EYA4: variants seen among roughly 807,000 people sequenced by gnomAD.
The protein encoded by EYA4 is protein phosphatase EYA4.
EYA4 carries 31 observed loss-of-function variants against 87.9 expected under a neutral mutation model. The observed-to-expected ratio is 0.35, with a 90% CI of 0.27 to 0.48. The LOEUF is 0.48. Among genes scored for constraint, EYA4 ranks in the 20% least tolerant of loss-of-function variants. EYA4 has a pLI of 0.99. For missense variants in EYA4, 678 were observed against 761.4 expected, an observed-to-expected ratio of 0.89 and a Z score of 1.29; for synonymous variants, 263 against 270.6, an observed-to-expected ratio of 0.97 and a Z score of 0.28.
chr6:133,292,532 G>A (rs988452102), intron 2 of EYA4, among the ~76,000 whole-genome samples: 1 of 152,074 alleles, frequency 6.6e-6, no homozygotes, highest in African/African-American at 2.4e-5. Context: ...GTTGATGTTG[G>A]GATTTTAAAC....
At chr6:133,506,343 A>T (rs1307068883) in intron 14 of EYA4, 148 bp downstream of exon 14, 4 of 583,098 alleles carry the variant, frequency 6.9e-6, no homozygotes, top group South Asian at 2.0e-5. Flanking sequence ...AAAATTGTAT[A>T]TACAAATATA....
intron 2 of EYA4, among the ~76,000 whole-genome samples, chr6:133,312,678 T>C (rs1378992695): frequency 6.6e-6 from 1 of 152,212 alleles, no homozygotes; most frequent in Non-Finnish European, 1.5e-5. Flanking sequence ...TTGATATTCT[T>C]CCTCACCATA....
At chr6:133,429,337 A>G (rs148869888) in intron 3 of EYA4, among the ~76,000 whole-genome samples, 1 of 152,086 alleles carries the variant, frequency 6.6e-6, no homozygotes, top group Non-Finnish European at 1.5e-5. Context: ...ATAGCAGACA[A>G]CAAGGAGCAC....
At chr6:133,345,412 T>C (rs1783117945) in intron 2 of EYA4, among the ~76,000 whole-genome samples, 1 of 152,130 alleles carries the variant, frequency 6.6e-6, no homozygotes, top group Admixed American at 6.6e-5. Flanking sequence ...TATCTTTGCA[T>C]AGACATATGT....
rs6929656 is a variant in EYA4, at chr6:133,506,010, T to C, written c.1192-96T>C. 0.93 allele frequency: 742,973 copies of C among 800,300 alleles called. 345,435 individuals carry two copies. The highest frequency in any genetic ancestry group is 1 in the East Asian group (39,608 of 39,614). The allele number at this position is 800,300 out of a possible 1,614,324, so 49.6% of individuals were successfully genotyped here. The stretch of plus-strand genomic sequence containing the variant: ...TCTTCAGTAAAAACCCATGCAGTCT[T>C]CTCCCTCTTCCACCACAGCAATATG... On this transcript the variant is annotated intron_variant, in intron 13 of 19. Transcript: ENST00000355286.
chr6:133,431,958 T>G (rs1238917994), intron 3 of EYA4, among the ~76,000 whole-genome samples: 1 of 152,052 alleles, frequency 6.6e-6, no homozygotes, highest in Non-Finnish European at 1.5e-5. Flanking sequence ...GATTTTTTTT[T>G]TTTTTTGCCA....
At chr6:133,491,183 T>C (rs1797120080) in intron 13 of EYA4, among the ~76,000 whole-genome samples, 1 of 151,896 alleles carries the variant, frequency 6.6e-6, no homozygotes, top group Non-Finnish European at 1.5e-5. Flanking sequence ...CACAAAATAC[T>C]AAACCCTATG....
chr6:133,364,760 A>G lies in EYA4; in HGVS notation c.34-17632A>G, dbSNP rs72997713. On this transcript the variant is annotated intron_variant, in intron 2 of 19. Coordinates refer to ENST00000355286, the MANE Select transcript of EYA4 (RefSeq NM_004100.5). ...AGTCAAAGTATTTGATAGTCTTTCC[A>G]TGCTCCCTACAGTACATAGGCACTT... Among the ~76,000 whole-genome samples, 876 of 152,258 alleles carry G rather than the reference A, an allele frequency of 5.8e-3. 2 individuals carry two copies. Among genetic ancestry groups the G allele is most frequent in the South Asian group, 0.018 (89 of 4,816 alleles).
chr6:133,498,302 T>C (rs1797806861), intron 13 of EYA4, among the ~76,000 whole-genome samples: 1 of 152,210 alleles, frequency 6.6e-6, no homozygotes, highest in Admixed American at 6.5e-5. Flanking sequence ...TCCCTCCTAG[T>C]ACCCATGTGA....
At chr6:133,397,242 G>A (rs956414487) in intron 3 of EYA4, among the ~76,000 whole-genome samples, 6 of 152,186 alleles carry the variant, frequency 3.9e-5, no homozygotes, top group African/African-American at 1.4e-4. Context: ...TGGTTTCCCA[G>A]TAACATCATT....
In EYA4 at chr6:133,531,858, A is replaced by C. The variant is rs1801028820; in HGVS notation, c.*3053A>C. 6.6e-6 allele frequency: 1 copy of C among 152,194 alleles called. No homozygotes were observed. Among genetic ancestry groups the C allele is most frequent in the South Asian group, 2.1e-4 (1 of 4,834 alleles). 9.4% of individuals were successfully genotyped at this position (152,194 alleles called of 1,614,324 possible). ...GCACATTTGTTTATGACAAGCCTACATTCTCAGTGAATATGGCATTTAGTA... is the reference window on the plus strand; with the variant it reads ...GCACATTTGTTTATGACAAGCCTACCTTCTCAGTGAATATGGCATTTAGTA... On this transcript the variant is annotated 3_prime_UTR_variant, in exon 20 of 20. Transcript: ENST00000355286.
At chr6:133,509,167 A>AAT (rs1798910147) in intron 14 of EYA4, among the ~76,000 whole-genome samples, 1 of 152,208 alleles carries the variant, frequency 6.6e-6, no homozygotes, top group Admixed American at 6.5e-5. Flanking sequence ...GTACAGTTAC[A>AAT]TACATAGCGC....
chr6:133,469,776 G>A (rs1239931155), intron 11 of EYA4, among the ~76,000 whole-genome samples: 4 of 151,896 alleles, frequency 2.6e-5, no homozygotes, highest in Non-Finnish European at 5.9e-5. Flanking sequence ...GTGACCCTGG[G>A]CTACATAAAG....
At chr6:133,329,016 T>A (rs1485961919) in intron 2 of EYA4, among the ~76,000 whole-genome samples, 1 of 152,126 alleles carries the variant, frequency 6.6e-6, no homozygotes, top group Non-Finnish European at 1.5e-5. Context: ...TGTCTAAATC[T>A]TTTTAAAACT....
intron 2 of EYA4, among the ~76,000 whole-genome samples, chr6:133,380,886 CT>C (rs1156482874): frequency 6.9e-6 from 1 of 145,278 alleles, no homozygotes; most frequent in African/African-American, 2.6e-5. Context: ...TCTTCTTCTT[CT>C]TCCCTCCCCT....
intron 1 of EYA4, among the ~76,000 whole-genome samples, chr6:133,242,427 G>C (rs2128218343): frequency 6.6e-6 from 1 of 152,278 alleles, no homozygotes; most frequent in Middle Eastern, 3.4e-3. Flanking sequence ...CAGAGCAGTC[G>C]CGTTCATTGG....
rs1794090127 is a variant in EYA4, at chr6:133,458,401, T to C, written c.370+1753T>C. 2.0e-5 allele frequency among the ~76,000 whole-genome samples: 3 copies of C among 152,122 alleles called. No homozygotes were observed. The South Asian group carries it at 6.2e-4, about 31-fold the overall frequency. Reference sequence around the variant, plus strand: ...CTGAATTTTCAAGTTTAAACACATTTCAAGTGTTTAACAGCTGCATGTGGT... The same window carrying C: ...CTGAATTTTCAAGTTTAAACACATTCCAAGTGTTTAACAGCTGCATGTGGT... On this transcript the variant is annotated intron_variant, in intron 6 of 19. Coordinates refer to ENST00000355286, the MANE Select transcript of EYA4 (RefSeq NM_004100.5).
chr6:133,390,616 C>A (rs1315328157), intron 3 of EYA4, among the ~76,000 whole-genome samples: 1 of 152,214 alleles, frequency 6.6e-6, no homozygotes, highest in Non-Finnish European at 1.5e-5. Flanking sequence ...ATGGCTCTAA[C>A]ATTAGTCCCA....
chr6:133,497,134 T>C (rs757623504), intron 13 of EYA4, among the ~76,000 whole-genome samples: 8 of 152,156 alleles, frequency 5.3e-5, no homozygotes. Context: ...CCCTGTGTGA[T>C]TGATTGGTAC....
Sources: allele counts gnomAD v4.1 joint callset (sites outside exome capture counted in the v4.1 genomes callset), GRCh38; gene constraint gnomAD v4.1.1; transcripts MANE v1.5; gene names NCBI Gene and HGNC (gene_info 2026-07-23, HGNC 2026-07-21).